URI1: variants seen among roughly 807,000 people sequenced by gnomAD.
URI1 encodes the protein unconventional prefoldin RPB5 interactor 1.
Under a neutral mutation model 60.2 loss-of-function variants are expected in URI1, and 39 were observed. The ratio of observed to expected loss-of-function variants is 0.65; its 90% CI spans 0.50 to 0.85. The LOEUF is 0.85. URI1 is among the 40% of genes least tolerant of loss of function. The pLI is 0.00. For missense variants in URI1, 691 were observed against 665.9 expected (o/e 1.04, Z -0.42); for synonymous variants, 251 against 236.8 (o/e 1.06, Z -0.55).
At chr19:29,955,854 G>C (rs912557305) in intron 1 of URI1, among the ~76,000 whole-genome samples, 4 of 151,730 alleles carry the variant, frequency 2.6e-5, no homozygotes, top group African/African-American at 9.7e-5. Context: ...GCCCCCCAAA[G>C]TGCTGGGATT....
intron 1 of URI1, among the ~76,000 whole-genome samples, chr19:29,954,675 C>T (rs140691677): frequency 3.3e-5 from 5 of 151,920 alleles, no homozygotes; most frequent in South Asian, 4.2e-4. Flanking sequence ...CCACCATGCC[C>T]GGCTAATTTA....
At chr19:29,945,224 C>T (rs752482869) in intron 1 of URI1, among the ~76,000 whole-genome samples, 10 of 152,206 alleles carry the variant, frequency 6.6e-5, no homozygotes, top group Non-Finnish European at 1.3e-4. Context: ...GTTCCTTACA[C>T]ACAGTGGGTG....
intron 1 of URI1, among the ~76,000 whole-genome samples, chr19:29,965,895 T>C (rs1300989734): frequency 6.6e-6 from 1 of 152,198 alleles, no homozygotes; most frequent in African/African-American, 2.4e-5. Flanking sequence ...CGAGACTAGA[T>C]TGGCATACAG....
At chr19:29,974,553 A>T (rs1019382473) in intron 2 of URI1, among the ~76,000 whole-genome samples, 2 of 152,134 alleles carry the variant, frequency 1.3e-5, no homozygotes, top group Non-Finnish European at 2.9e-5. Flanking sequence ...GTTCATTTCA[A>T]CATCTTATCT....
Position 29,933,940 on chromosome 19 carries a change from C to CTTTTTTTTTTTTT in URI1, c.63+10187_63+10199dup, listed in dbSNP as rs34942474. ...TCCTTCTTTCTTTTTCTTTTCTTCC[C>CTTTTTTTTTTTTT]TTTTTTTTTTTTTGAGATGAAGTCT... On this transcript the variant is annotated intron_variant, in intron 1 of 10. Coordinates refer to the URI1 transcript ENST00000360605. Among the ~76,000 whole-genome samples the CTTTTTTTTTTTTT allele has an allele frequency of 5.5e-3, 680 of 124,600 alleles. 57 individuals are homozygous for CTTTTTTTTTTTTT. Among genetic ancestry groups the CTTTTTTTTTTTTT allele is most frequent in the African/African-American group, 0.019 (578 of 29,872 alleles). 81.7% of individuals were successfully genotyped at this position (124,600 alleles called of 152,430 possible).
Position 30,005,642 on chromosome 19 carries a change from A to G in URI1, c.460-9A>G. 1 of 1,604,304 alleles carries G rather than the reference A, an allele frequency of 6.2e-7. No homozygotes were observed. Among genetic ancestry groups the G allele is most frequent in the African/African-American group, 1.3e-5 (1 of 74,228 alleles). ...TTGTTAATACGCTTTTTTTTTGTTT[A>G]AAAACCAGGCTGCAGGTGATATTGT... On this transcript the variant is annotated splice_polypyrimidine_tract_variant and intron_variant, in intron 5 of 10. Coordinates refer to ENST00000392271, the MANE Select transcript of URI1 (RefSeq NM_003796.3).
In URI1 at chr19:30,016,552, G is replaced by A. The variant is rs2145467551; in HGVS notation, c.*1483G>A. The A allele has an allele frequency of 6.6e-6, 1 of 152,170 alleles. No individual in the cohort carries two copies. The highest frequency in any genetic ancestry group is 1.9e-4 in the East Asian group (1 of 5,184). 9.4% of individuals were successfully genotyped at this position (152,170 alleles called of 1,614,324 possible). ...AACTTTACTGTAGGACTATTGTGGT[G>A]TTCTTAACAGATTTGTAATTTCAAG... On this transcript the variant is annotated 3_prime_UTR_variant, in exon 11 of 11. Coordinates refer to ENST00000392271, the MANE Select transcript of URI1 (RefSeq NM_003796.3).
intron 1 of URI1, among the ~76,000 whole-genome samples, chr19:29,928,826 C>T (rs1177862746): frequency 6.6e-6 from 1 of 152,098 alleles, no homozygotes; most frequent in East Asian, 1.9e-4. Flanking sequence ...TTTGTATTTG[C>T]TAAACCTGGC....
chr19:29,989,531 C>G (rs937504487), intron 4 of URI1, among the ~76,000 whole-genome samples: 1 of 151,946 alleles, frequency 6.6e-6, no homozygotes, highest in Non-Finnish European at 1.5e-5. Context: ...TCAAGTGATT[C>G]TCCTGCTCAG....
At chr19:29,994,548 C>T (rs2055787531) in intron 4 of URI1, among the ~76,000 whole-genome samples, 1 of 151,844 alleles carries the variant, frequency 6.6e-6, no homozygotes, top group East Asian at 1.9e-4. Context: ...TGGATTATTT[C>T]ACATAGCATA....
At chr19:29,972,340 A>T (rs2055470091) in intron 2 of URI1, among the ~76,000 whole-genome samples, 2 of 152,108 alleles carry the variant, frequency 1.3e-5, no homozygotes, top group Non-Finnish European at 2.9e-5. Context: ...ATAATGGACC[A>T]TTCGCCTTTC....
intron 1 of URI1, among the ~76,000 whole-genome samples, chr19:29,949,945 G>GGAGGGA (rs2055159020): frequency 6.6e-6 from 1 of 151,008 alleles, no homozygotes; most frequent in Non-Finnish European, 1.5e-5. Context: ...AGGGGGAGGG[G>GGAGGGA]GAGGGAGAGG....
chr19:29,963,374 T>A (rs1364610607), intron 1 of URI1, among the ~76,000 whole-genome samples: 1 of 152,184 alleles, frequency 6.6e-6, no homozygotes, highest in Non-Finnish European at 1.5e-5. Context: ...TTTCTGCTGT[T>A]TAATCTTCTT....
intron 4 of URI1, among the ~76,000 whole-genome samples, chr19:29,988,748 T>C (rs1479049391): frequency 6.6e-6 from 1 of 152,228 alleles, no homozygotes; most frequent in Non-Finnish European, 1.5e-5. Flanking sequence ...TGTAAGCCTT[T>C]GTGTACAGGT....
chr19:29,942,670 T>G lies in URI1; in HGVS notation c.117+6T>G. ...TGCGCGAGGAGCAGGAAAAGGTAAC[T>G]AGCAGCCCCGCGCCGCTTCCGCCTC... is the stretch of plus-strand genomic sequence containing the variant. On this transcript the variant is annotated splice_donor_region_variant and intron_variant, in intron 1 of 10. Transcript: ENST00000392271. 7.4e-7 allele frequency: 1 copy of G among 1,345,794 alleles called. No homozygotes were observed. The highest frequency in any genetic ancestry group is 9.6e-7 in the Non-Finnish European group (1 of 1,042,232). The allele number at this position is 1,345,794 out of a possible 1,614,324, so 83.4% of individuals were successfully genotyped here. A position where few individuals can be genotyped will look rare whatever the true frequency, so the allele number is the denominator to read the frequency against.
At chr19:29,959,475 C>T (rs987349713) in intron 1 of URI1, among the ~76,000 whole-genome samples, 4 of 152,130 alleles carry the variant, frequency 2.6e-5, no homozygotes, top group East Asian at 3.9e-4. Flanking sequence ...TCAACAAAGC[C>T]GTCTGGGCCC....
chr19:30,000,527 A>AC (rs2055865666), intron 4 of URI1, among the ~76,000 whole-genome samples: 1 of 151,904 alleles, frequency 6.6e-6, no homozygotes, highest in South Asian at 2.1e-4. Flanking sequence ...TCTTATTGTT[A>AC]AGTAGACTGT....
At chr19:29,932,941 C>T (rs1312246287) in intron 1 of URI1, among the ~76,000 whole-genome samples, 2 of 152,204 alleles carry the variant, frequency 1.3e-5, no homozygotes, top group Non-Finnish European at 2.9e-5. Context: ...GTGTGAGCCA[C>T]CACACCCGGA....
chr19:29,948,705 A>G (rs988762210), intron 1 of URI1, among the ~76,000 whole-genome samples: 2 of 152,206 alleles, frequency 1.3e-5, no homozygotes, highest in African/African-American at 4.8e-5. Flanking sequence ...AATTTTTCTT[A>G]GTACAGAACA....
Sources: allele counts gnomAD v4.1 joint callset (sites outside exome capture counted in the v4.1 genomes callset), GRCh38; gene constraint gnomAD v4.1.1; transcripts MANE v1.5; gene names NCBI Gene and HGNC (gene_info 2026-07-23, HGNC 2026-07-21).